CTNNA2: variants seen among roughly 807,000 people sequenced by gnomAD.
The protein encoded by CTNNA2 is catenin alpha-2.
In CTNNA2, 42 loss-of-function variants were observed where a neutral mutation model predicts 101.0. The ratio of observed to expected loss-of-function variants is 0.42; its 90% CI spans 0.32 to 0.54. The LOEUF is 0.54. CTNNA2 is among the 20% of genes least tolerant of loss of function. The pLI is 0.14. For synonymous variants in CTNNA2, 450 were observed against 456.4 expected (o/e 0.99, Z 0.18); for missense variants, 871 against 1,223.1 (o/e 0.71, Z 4.29).
At chr2:80,376,703 T>G (rs1675989558) in intron 7 of CTNNA2, among the ~76,000 whole-genome samples, 3 of 152,210 alleles carry the variant, frequency 2.0e-5, no homozygotes, top group African/African-American at 7.2e-5. Context: ...GAGGTGTGTA[T>G]AAGTGATTAG....
intron 1 of CTNNA2, among the ~76,000 whole-genome samples, chr2:79,592,122 C>CT (rs56250033): frequency 0.024 from 1,341 of 56,712 alleles, 15 homozygotes; most frequent in African/African-American, 0.037. Context: ...CTTCTTTTTG[C>CT]TTTTTTTTTT....
chr2:79,383,587 G>C (rs182584275), intron 4 of CTNNA2, among the ~76,000 whole-genome samples: 28 of 152,240 alleles, frequency 1.8e-4, no homozygotes, highest in Non-Finnish European at 3.1e-4. Context: ...CCATCACATG[G>C]CATAGTGCGT....
At chr2:80,519,506 A>T (rs866148706) in intron 9 of CTNNA2, among the ~76,000 whole-genome samples, 1 of 152,204 alleles carries the variant, frequency 6.6e-6, no homozygotes, top group Non-Finnish European at 1.5e-5. Context: ...TGAGTCACTT[A>T]AAAATGCTTC....
At chr2:79,714,259 C>G (rs543909084) in intron 2 of CTNNA2, among the ~76,000 whole-genome samples, 2 of 152,058 alleles carry the variant, frequency 1.3e-5, no homozygotes, top group African/African-American at 4.8e-5. Flanking sequence ...TACTACAGTA[C>G]TGAACACTTA....
At chr2:79,338,575 A>C (rs981382517) in intron 3 of CTNNA2, among the ~76,000 whole-genome samples, 15 of 115,418 alleles carry the variant, frequency 1.3e-4, no homozygotes, top group Non-Finnish European at 1.8e-4. Context: ...CTTCCTCCTC[A>C]TCATCTTCTT....
chr2:79,814,567 C>T (rs1194986814), intron 3 of CTNNA2, among the ~76,000 whole-genome samples: 1 of 151,466 alleles, frequency 6.6e-6, no homozygotes, highest in African/African-American at 2.4e-5. Flanking sequence ...TTAATTCATT[C>T]CTTTTCATGG....
chr2:80,518,659 A>G (rs1410357018), intron 9 of CTNNA2, among the ~76,000 whole-genome samples: 1 of 152,184 alleles, frequency 6.6e-6, no homozygotes, highest in Non-Finnish European at 1.5e-5. Context: ...CATGTTGTAT[A>G]TACCATAAAA....
intron 11 of CTNNA2, among the ~76,000 whole-genome samples, chr2:80,555,292 A>C (rs1322845922): frequency 6.6e-6 from 1 of 152,224 alleles, no homozygotes; most frequent in African/African-American, 2.4e-5. Flanking sequence ...TACAACTTCT[A>C]AAAGGCCCTG....
intron 7 of CTNNA2, among the ~76,000 whole-genome samples, chr2:80,178,051 C>G (rs1277074358): frequency 1.3e-5 from 2 of 152,206 alleles, no homozygotes; most frequent in Admixed American, 6.5e-5. Flanking sequence ...AAATCAGGCC[C>G]TTGTCACCTT....
At chr2:80,121,981 G>C (rs56392318) in intron 7 of CTNNA2, among the ~76,000 whole-genome samples, 4,456 of 152,148 alleles carry the variant, frequency 0.029, 207 homozygotes, top group African/African-American at 0.1. Context: ...GGTGTAACAG[G>C]GAAATTGCCA....
chr2:79,610,547 A>G lies in CTNNA2; in HGVS notation c.-5-41005A>G, dbSNP rs147109825. Among the ~76,000 whole-genome samples, 491 of 152,310 alleles carry G rather than the reference A, an allele frequency of 3.2e-3. 3 individuals carry two copies. Among genetic ancestry groups the G allele is most frequent in the African/African-American group, 0.011 (473 of 41,580 alleles). On this transcript the variant is annotated intron_variant, in intron 1 of 18. Coordinates refer to ENST00000402739, the MANE Select transcript of CTNNA2 (RefSeq NM_001282597.3). ...TGAAAAGAATGAATTACTGATACACATTAAGGACCTGGATGACTCTCAAGA... is the reference window on the plus strand; with the variant it reads ...TGAAAAGAATGAATTACTGATACACGTTAAGGACCTGGATGACTCTCAAGA...
At chr2:79,950,190 C>T (rs1406978924) in intron 7 of CTNNA2, among the ~76,000 whole-genome samples, 1 of 412 alleles carries the variant, frequency 2.4e-3, no homozygotes, top group African/African-American at 0.011. Context: ...AATGTAGTGA[C>T]ATTAAGAGAG....
chr2:79,195,969 A>G (rs1673955273), intron 1 of CTNNA2: 1 of 415,062 alleles, frequency 2.4e-6, no homozygotes. Context: ...TGGAGTCTCG[A>G]TCTGTCACCC....
At chr2:79,326,529 G>A (rs754040282) in intron 3 of CTNNA2, among the ~76,000 whole-genome samples, 2 of 151,830 alleles carry the variant, frequency 1.3e-5, no homozygotes, top group East Asian at 1.9e-4. Context: ...AATATTTCAG[G>A]AGCCCCTTAA....
intron 7 of CTNNA2, among the ~76,000 whole-genome samples, chr2:80,236,283 T>A (rs1709546428): frequency 6.6e-6 from 1 of 152,180 alleles, no homozygotes; most frequent in Admixed American, 6.6e-5. Context: ...TGTGTGCAAG[T>A]GTCTTTATGG....
chr2:79,505,779 C>T (rs751834351), intron 5 of CTNNA2, among the ~76,000 whole-genome samples: 1 of 152,176 alleles, frequency 6.6e-6, no homozygotes, highest in Non-Finnish European at 1.5e-5. Flanking sequence ...ATAGTGTGCT[C>T]TGTGCACTCT....
rs1483022182 is a variant in CTNNA2, at chr2:79,742,949, T to C, written c.103-1438T>C. ...GTTTACATTTATTCAATCCTTTTTT[T>C]CTTTCAGTGTTATCTCTTTCTCTAT... On this transcript the variant is annotated intron_variant, in intron 2 of 18. Coordinates refer to ENST00000402739, the MANE Select transcript of CTNNA2 (RefSeq NM_001282597.3). Among the ~76,000 whole-genome samples, 3 of 152,222 alleles carry C rather than the reference T, an allele frequency of 2.0e-5. No individual in the cohort carries two copies. The East Asian group carries it at 5.8e-4, about 29-fold the overall frequency.
At chr2:79,683,599 A>G (rs954966859) in intron 2 of CTNNA2, among the ~76,000 whole-genome samples, 3 of 152,234 alleles carry the variant, frequency 2.0e-5, no homozygotes, top group African/African-American at 7.2e-5. Flanking sequence ...AGCACATATT[A>G]GCCACAAAGA....
At chr2:79,664,737 G>A (rs1266342901) in intron 2 of CTNNA2, among the ~76,000 whole-genome samples, 2 of 115,550 alleles carry the variant, frequency 1.7e-5, no homozygotes, top group African/African-American at 3.7e-5. Context: ...TTTTTGAGAC[G>A]GAGTCTCGCT....
Sources: allele counts gnomAD v4.1 joint callset (sites outside exome capture counted in the v4.1 genomes callset), GRCh38; gene constraint gnomAD v4.1.1; transcripts MANE v1.5; gene names NCBI Gene and HGNC (gene_info 2026-07-23, HGNC 2026-07-21).